Variants in NXPH1 observed in about 807,000 individuals in gnomAD.
NXPH1 encodes the protein neurexophilin-1.
A neutral mutation model predicts 23.7 loss-of-function variants in NXPH1; 5 were observed. The ratio of observed to expected loss-of-function variants is 0.21; its 90% CI spans 0.11 to 0.44. The LOEUF (loss-of-function observed/expected upper bound fraction) is 0.44, where lower values mean the gene tolerates loss of function less well. Among genes scored for constraint, NXPH1 ranks in the 20% least tolerant of loss-of-function variants. NXPH1 has a pLI of 0.99. For missense variants in NXPH1, 324 were observed against 321.6 expected, an observed-to-expected ratio of 1.01 and a Z score of -0.06; for synonymous variants, 144 against 122.2, an observed-to-expected ratio of 1.18 and a Z score of -1.18.
At chr7:8,547,035 C>T (rs1485281412) in intron 2 of NXPH1, among the ~76,000 whole-genome samples, 1 of 151,380 alleles carries the variant, frequency 6.6e-6, no homozygotes, top group South Asian at 2.1e-4. Context: ...CTTGAACATC[C>T]TCCTAAACTG....
At chr7:8,677,755 C>A (rs1820974768) in intron 2 of NXPH1, among the ~76,000 whole-genome samples, 1 of 151,982 alleles carries the variant, frequency 6.6e-6, no homozygotes, top group Non-Finnish European at 1.5e-5. Context: ...ATTAATTTAG[C>A]TATGAACAAG....
chr7:8,698,893 A>G (rs1219689585), intron 2 of NXPH1, among the ~76,000 whole-genome samples: 10 of 152,178 alleles, frequency 6.6e-5, no homozygotes, highest in Admixed American at 6.5e-4. Context: ...GCCCATATTC[A>G]TTACCATTAT....
chr7:8,606,060 T>G (rs58806158), intron 2 of NXPH1, among the ~76,000 whole-genome samples: 4,836 of 152,202 alleles, frequency 0.032, 160 homozygotes, highest in African/African-American at 0.08. Flanking sequence ...TCTTGGTGAT[T>G]TTGTGCAAGG....
intron 2 of NXPH1, among the ~76,000 whole-genome samples, chr7:8,538,701 C>G (rs1025597415): frequency 1.3e-5 from 2 of 151,936 alleles, no homozygotes; most frequent in African/African-American, 4.8e-5. Flanking sequence ...AGTTATTACA[C>G]GTACTCTTGA....
At chr7:8,487,451 G>C (rs891028724) in intron 2 of NXPH1, among the ~76,000 whole-genome samples, 6 of 152,144 alleles carry the variant, frequency 3.9e-5, no homozygotes, top group African/African-American at 1.4e-4. Context: ...GGCCTCTCCA[G>C]TGATGTGGAA....
In NXPH1 at chr7:8,750,694, T is replaced by G. The variant is rs748523412; in HGVS notation, c.55-314T>G. 8.1e-4 allele frequency among the ~76,000 whole-genome samples: 124 copies of G among 152,216 alleles called. 1 individual carries two copies. Among genetic ancestry groups the G allele is most frequent in the Admixed American group, 1.8e-3 (27 of 15,284 alleles). ...ATTAACCAGTGGTTTTATATAATTT[T>G]CAGGTCATATTTAGTAGTTTTTCCA... On this transcript the variant is annotated intron_variant, in intron 2 of 2. Coordinates refer to ENST00000405863, the MANE Select transcript of NXPH1 (RefSeq NM_152745.3).
At chr7:8,450,351 A>G (rs1016196779) in intron 2 of NXPH1, among the ~76,000 whole-genome samples, 1 of 152,254 alleles carries the variant, frequency 6.6e-6, no homozygotes, top group Non-Finnish European at 1.5e-5. Flanking sequence ...TATTTGCACA[A>G]TTATACAAAC....
chr7:8,608,544 A>C (rs1322934317), intron 2 of NXPH1, among the ~76,000 whole-genome samples: 2 of 152,122 alleles, frequency 1.3e-5, no homozygotes, highest in Non-Finnish European at 2.9e-5. Context: ...AGGTAGTGGC[A>C]GAGGTGGAGT....
At chr7:8,634,246 A>C (rs10246630) in intron 2 of NXPH1, among the ~76,000 whole-genome samples, 41,877 of 151,842 alleles carry the variant, frequency 0.28, 6,249 homozygotes, top group African/African-American at 0.35. Flanking sequence ...ATGATAGTGA[A>C]TATCTCATGA....
intron 2 of NXPH1, among the ~76,000 whole-genome samples, chr7:8,479,345 T>C (rs1036672901): frequency 6.6e-6 from 1 of 152,124 alleles, no homozygotes; most frequent in South Asian, 2.1e-4. Context: ...GATGAGTAAT[T>C]ATGTGATTTT....
intron 2 of NXPH1, among the ~76,000 whole-genome samples, chr7:8,472,737 G>A (rs1487588905): frequency 2.0e-5 from 3 of 152,146 alleles, no homozygotes; most frequent in African/African-American, 7.2e-5. Flanking sequence ...GTCTTATAAA[G>A]AGTTAAACTA....
intron 2 of NXPH1, among the ~76,000 whole-genome samples, chr7:8,507,680 C>G (rs1390697454): frequency 6.6e-6 from 1 of 152,078 alleles, no homozygotes; most frequent in East Asian, 1.9e-4. Flanking sequence ...CAGAGTGCCT[C>G]TAGGGAGTGT....
intron 2 of NXPH1, among the ~76,000 whole-genome samples, chr7:8,720,250 A>C (rs1448674025): frequency 6.6e-6 from 1 of 152,192 alleles, no homozygotes; most frequent in African/African-American, 2.4e-5. Flanking sequence ...ATTTGGTAAT[A>C]CCAGTAATAG....
intron 2 of NXPH1, among the ~76,000 whole-genome samples, chr7:8,529,212 T>C (rs1817912546): frequency 6.6e-6 from 1 of 152,238 alleles, no homozygotes; most frequent in African/African-American, 2.4e-5. Flanking sequence ...TCACATTGGG[T>C]TCACCCAAAT....
intron 2 of NXPH1, among the ~76,000 whole-genome samples, chr7:8,562,678 AATATCCTAATGGATATTGTCTTAAC>A (rs1254517176): frequency 6.6e-6 from 1 of 151,788 alleles, no homozygotes; most frequent in African/African-American, 2.4e-5. Context: ...CCTAATAGAT[AATATCCTAATGGATATTGTCTTAAC>A]ATATCCTAAT....
chr7:8,677,984 A>C lies in NXPH1; in HGVS notation c.55-73024A>C, dbSNP rs374409823. Among the ~76,000 whole-genome samples the C allele has an allele frequency of 1.9e-4, 29 of 152,208 alleles. 1 individual carries two copies. The South Asian group carries it at 6.0e-3, about 32-fold the overall frequency. On this transcript the variant is annotated intron_variant, in intron 2 of 2. Transcript: ENST00000405863. ...TATAACTATATATGGTTATAAAATA[A>C]TCTTTAGTATCAACCAATATAAACA...
At position 8,563,218 on chromosome 7, in the gene NXPH1, T is replaced by C. The variant is rs548694397; in HGVS notation, c.54+127451T>C. ...CTAAACTTTGGGTCCTTGAATTCTT[T>C]ATCTGATTTCTAGTGTACAGCACTA... On this transcript the variant is annotated intron_variant, in intron 2 of 2. Coordinates refer to ENST00000405863, the MANE Select transcript of NXPH1 (RefSeq NM_152745.3). Among the ~76,000 whole-genome samples, 9 of 151,896 alleles carry C rather than the reference T, an allele frequency of 5.9e-5. No homozygotes were observed. The South Asian group carries it at 1.9e-3, about 31-fold the overall frequency.
chr7:8,697,882 G>C (rs1779560243), intron 2 of NXPH1, among the ~76,000 whole-genome samples: 1 of 152,134 alleles, frequency 6.6e-6, no homozygotes, highest in South Asian at 2.1e-4. Context: ...GAGACACACT[G>C]GTAGAACAGA....
At chr7:8,597,019 G>A (rs954768742) in intron 2 of NXPH1, among the ~76,000 whole-genome samples, 3 of 152,188 alleles carry the variant, frequency 2.0e-5, no homozygotes, top group Middle Eastern at 3.4e-3. Context: ...TGACACCTTG[G>A]TAAAGCACTG....
Sources: allele counts gnomAD v4.1 joint callset (sites outside exome capture counted in the v4.1 genomes callset), GRCh38; gene constraint gnomAD v4.1.1; transcripts MANE v1.5; gene names NCBI Gene and HGNC (gene_info 2026-07-23, HGNC 2026-07-21).